Variants in ACSS3 observed in about 807,000 individuals in gnomAD.
ACSS3 encodes acyl-CoA synthetase short chain family member 3, also known as acyl-CoA synthetase short-chain family member 3, mitochondrial.
A neutral mutation model predicts 84.2 loss-of-function variants in ACSS3; 64 were observed. The ratio of observed to expected loss-of-function variants is 0.76; its 90% CI spans 0.62 to 0.94. The LOEUF is 0.94. ACSS3 is among the 40% of genes least tolerant of loss of function. The pLI, the probability that ACSS3 is intolerant of heterozygous loss-of-function variation, is 0.00. For synonymous variants in ACSS3, 317 were observed against 310.1 expected (o/e 1.02, Z -0.23); for missense variants, 815 against 867.6 (o/e 0.94, Z 0.76).
At chr12:81,210,756 G>A (rs1238202714) in intron 9 of ACSS3, among the ~76,000 whole-genome samples, 2 of 152,012 alleles carry the variant, frequency 1.3e-5, no homozygotes, top group Admixed American at 6.6e-5. Flanking sequence ...GAATCTAATA[G>A]GTATACCGTA....
chr12:81,133,119 T>G lies in ACSS3; in HGVS notation c.457-1697T>G, dbSNP rs1489116121. On this transcript the variant is annotated intron_variant, in intron 2 of 15. Transcript: ENST00000548058. ...GTAGAATAAAACACTAAAATCGTGT[T>G]TTTTTTTTTCTTTCTGTCTTTCACC... 1.8e-3 allele frequency among the ~76,000 whole-genome samples: 4 copies of G among 2,198 alleles called. No individual in the cohort carries two copies. The Non-Finnish European group carries it at 0.037, about 21-fold the overall frequency. The allele number at this position is 2,198 out of a possible 152,430, so 1.4% of individuals were successfully genotyped here.
intron 12 of ACSS3, among the ~76,000 whole-genome samples, 173 bp from the exon 13 acceptor site, chr12:81,233,176 A>C (rs145855174): frequency 3.9e-5 from 6 of 151,940 alleles, no homozygotes; most frequent in Non-Finnish European, 7.4e-5. Context: ...GAGCAAAGAG[A>C]TTCTAGTACA....
intron 11 of ACSS3, among the ~76,000 whole-genome samples, chr12:81,223,893 G>A (rs73346706): frequency 0.03 from 4,489 of 151,988 alleles, 90 homozygotes; most frequent in East Asian, 0.049. Context: ...GCATCTAGGA[G>A]TGTAATATTT....
At chr12:81,117,610 T>A (rs964298348) in intron 2 of ACSS3, among the ~76,000 whole-genome samples, 7 of 151,992 alleles carry the variant, frequency 4.6e-5, no homozygotes, top group African/African-American at 1.7e-4. Context: ...GTTAGGTGAG[T>A]ATCCAGGAGT....
intron 11 of ACSS3, among the ~76,000 whole-genome samples, chr12:81,224,854 T>C (rs2033221145): frequency 6.6e-6 from 1 of 151,858 alleles, no homozygotes; most frequent in Non-Finnish European, 1.5e-5. Context: ...TTAGTAGCCG[T>C]CTTGGTTATC....
At chr12:81,204,126 G>A (rs1322076653) in intron 9 of ACSS3, among the ~76,000 whole-genome samples, 1 of 151,924 alleles carries the variant, frequency 6.6e-6, no homozygotes, top group Admixed American at 6.6e-5. Flanking sequence ...GGTGGCCTTC[G>A]TGGGATTTTT....
At chr12:81,203,551 TA>T (rs779980932) in intron 9 of ACSS3, among the ~76,000 whole-genome samples, 3 of 152,156 alleles carry the variant, frequency 2.0e-5, no homozygotes, top group East Asian at 3.8e-4. Context: ...CTGATTCAAA[TA>T]ATATCTAATA....
intron 8 of ACSS3, among the ~76,000 whole-genome samples, chr12:81,188,910 T>G (rs963959072): frequency 6.6e-6 from 1 of 152,182 alleles, no homozygotes; most frequent in Admixed American, 6.6e-5. Context: ...CCTCACAAAG[T>G]TACCATTTTT....
At chr12:81,099,606 A>G (rs945341029) in intron 1 of ACSS3, among the ~76,000 whole-genome samples, 1 of 152,196 alleles carries the variant, frequency 6.6e-6, no homozygotes, top group Non-Finnish European at 1.5e-5. Flanking sequence ...GAATTGAGAG[A>G]AACATTTTAG....
chr12:81,252,663 G>GT (rs974348360), intron 13 of ACSS3, among the ~76,000 whole-genome samples: 2 of 152,018 alleles, frequency 1.3e-5, no homozygotes, highest in African/African-American at 2.4e-5. Flanking sequence ...AACTCTGTGG[G>GT]TTTTTTTGAT....
At chr12:81,095,206 G>A (rs2121363716) in intron 1 of ACSS3, among the ~76,000 whole-genome samples, 1 of 152,244 alleles carries the variant, frequency 6.6e-6, no homozygotes, top group African/African-American at 2.4e-5. Flanking sequence ...TTCTTTGCCA[G>A]CTCATCATGA....
intron 8 of ACSS3, among the ~76,000 whole-genome samples, chr12:81,193,514 A>T (rs1339273776): frequency 6.6e-6 from 1 of 152,032 alleles, no homozygotes; most frequent in Non-Finnish European, 1.5e-5. Context: ...ATATAAAATT[A>T]GGGAAAGGTG....
rs137989139 is a variant in ACSS3, at chr12:81,236,939, C to G, written c.1719+3468C>G. On this transcript the variant is annotated intron_variant, in intron 13 of 15. Coordinates refer to ENST00000548058, the MANE Select transcript of ACSS3 (RefSeq NM_024560.4). ...CAATGAAAGCTAATGGCAATTTTTC[C>G]TACATGAGTAGCCAGATTCTCCATA... is the stretch of plus-strand genomic sequence containing the variant. Among the ~76,000 whole-genome samples, 16 of 151,366 alleles carry G rather than the reference C, an allele frequency of 1.1e-4. No homozygotes were observed. The East Asian group carries it at 3.1e-3, about 29-fold the overall frequency.
intron 1 of ACSS3, among the ~76,000 whole-genome samples, chr12:81,085,190 T>C (rs1212225459): frequency 6.6e-6 from 1 of 152,244 alleles, no homozygotes; most frequent in Non-Finnish European, 1.5e-5. Flanking sequence ...TGGTTTCTTA[T>C]GTTAATTTTT....
At chr12:81,088,416 TAAA>T (rs1227393496) in intron 1 of ACSS3, among the ~76,000 whole-genome samples, 3 of 152,100 alleles carry the variant, frequency 2.0e-5, no homozygotes, top group Non-Finnish European at 4.4e-5. Context: ...CTAAAGTACA[TAAA>T]CATTGTCAGG....
At chr12:81,246,296 G>T (rs2033982966) in intron 13 of ACSS3, among the ~76,000 whole-genome samples, 1 of 152,068 alleles carries the variant, frequency 6.6e-6, no homozygotes, top group Non-Finnish European at 1.5e-5. Context: ...TAGAGAGAGG[G>T]GTGGGCCCTG....
At chr12:81,238,345 G>A (rs2033693085) in intron 13 of ACSS3, among the ~76,000 whole-genome samples, 1 of 151,576 alleles carries the variant, frequency 6.6e-6, no homozygotes, top group Non-Finnish European at 1.5e-5. Context: ...TATGGGGCCA[G>A]CATTGTTCCA....
At chr12:81,233,672 T>G (rs2033539199) in intron 13 of ACSS3, among the ~76,000 whole-genome samples, 1 of 151,698 alleles carries the variant, frequency 6.6e-6, no homozygotes, top group South Asian at 2.1e-4. Flanking sequence ...TGGGTGGTAG[T>G]GAAGAGTTTT....
chr12:81,142,058 A>G (rs1366064640), intron 4 of ACSS3, among the ~76,000 whole-genome samples: 1 of 152,180 alleles, frequency 6.6e-6, no homozygotes, highest in Non-Finnish European at 1.5e-5. Flanking sequence ...AGTTTTTACA[A>G]CCCTGATTAA....
Sources: allele counts gnomAD v4.1 joint callset (sites outside exome capture counted in the v4.1 genomes callset), GRCh38; gene constraint gnomAD v4.1.1; transcripts MANE v1.5; gene names NCBI Gene and HGNC (gene_info 2026-07-23, HGNC 2026-07-21).